The following ERBB4 variants were observed in gnomAD, a reference collection of about 807,000 sequenced individuals.
The protein encoded by ERBB4 is receptor tyrosine-protein kinase erbB-4.
ERBB4 carries 42 observed loss-of-function variants against 158.0 expected under a neutral mutation model. That is an observed-to-expected ratio of 0.27 (90% CI 0.21 to 0.34). ERBB4 has a LOEUF of 0.34. ERBB4 is among the 10% of genes least tolerant of loss of function. ERBB4 has a pLI of 1.00. For synonymous variants in ERBB4, 583 were observed against 558.7 expected (o/e 1.04, Z -0.61); for missense variants, 1,333 against 1,624.1 (o/e 0.82, Z 3.08).
chr2:212,509,634 T>C (rs1220870222), intron 1 of ERBB4, among the ~76,000 whole-genome samples: 1 of 152,020 alleles, frequency 6.6e-6, no homozygotes, highest in African/African-American at 2.4e-5. Flanking sequence ...TAACTATACC[T>C]AGGCTTTGGA....
At chr2:212,484,996 C>T (rs1159596053) in intron 1 of ERBB4, among the ~76,000 whole-genome samples, 1 of 152,152 alleles carries the variant, frequency 6.6e-6, no homozygotes, top group African/African-American at 2.4e-5. Flanking sequence ...GAGATGTGCA[C>T]ATCATCAAAG....
intron 16 of ERBB4, among the ~76,000 whole-genome samples, chr2:211,647,786 A>G (rs2070828922): frequency 6.6e-6 from 1 of 151,722 alleles, no homozygotes; most frequent in African/African-American, 2.4e-5. Context: ...TACATTACCA[A>G]CAAACGATTA....
At chr2:212,477,017 A>C (rs577257130) in intron 1 of ERBB4, among the ~76,000 whole-genome samples, 2 of 152,236 alleles carry the variant, frequency 1.3e-5, no homozygotes, top group South Asian at 4.2e-4. Flanking sequence ...CTCATCTATA[A>C]AATGGTATAG....
chr2:212,163,214 T>C (rs2081253383), intron 1 of ERBB4, among the ~76,000 whole-genome samples: 1 of 152,008 alleles, frequency 6.6e-6, no homozygotes, highest in Admixed American at 6.6e-5. Context: ...TATCTGTGTG[T>C]GTATGTATAT....
At chr2:211,466,820 T>C (rs1415744238) in intron 20 of ERBB4, among the ~76,000 whole-genome samples, 1 of 152,104 alleles carries the variant, frequency 6.6e-6, no homozygotes, top group Non-Finnish European at 1.5e-5. Context: ...AATATAAGTA[T>C]TATGCTGCAG....
chr2:212,292,476 T>C (rs2086242874), intron 1 of ERBB4, among the ~76,000 whole-genome samples: 1 of 151,984 alleles, frequency 6.6e-6, no homozygotes. Context: ...CTAGTACCTT[T>C]AGTGATATAA....
At chr2:211,452,594 T>A (rs2064276906) in intron 20 of ERBB4, among the ~76,000 whole-genome samples, 9 of 152,000 alleles carry the variant, frequency 5.9e-5, no homozygotes, top group Admixed American at 5.9e-4. Context: ...ATTGATACAC[T>A]AAAAAAAATT....
intron 2 of ERBB4, among the ~76,000 whole-genome samples, chr2:212,055,545 C>T (rs986842091): frequency 2.0e-5 from 3 of 152,350 alleles, no homozygotes; most frequent in African/African-American, 7.2e-5. Flanking sequence ...GGCAGACTGA[C>T]ACCTCACACA....
chr2:211,657,556 T>A, intron 16 of ERBB4, 198 bp downstream of exon 16: 1 of 602,086 alleles, frequency 1.7e-6, no homozygotes. Context: ...GGGACTCTTG[T>A]ATCACAATGA....
chr2:212,262,906 T>C, intron 1 of ERBB4, among the ~76,000 whole-genome samples: 1 of 152,192 alleles, frequency 6.6e-6, no homozygotes. Flanking sequence ...TCCTGATACA[T>C]TCATGTTCAT....
rs1033835929 is a variant in ERBB4, at chr2:211,690,043, T to C, written c.1490-10859A>G. Among the ~76,000 whole-genome samples, 16 of 148,490 alleles carry C rather than the reference T, an allele frequency of 1.1e-4. No individual in the cohort carries two copies. In the South Asian group the frequency reaches 2.9e-3, roughly 27 times the overall value. Reference sequence around the variant, plus strand: ...ATATATACACTTTATAGATATGATATATAAATATATATCAATGTAATATAT... The same window carrying C: ...ATATATACACTTTATAGATATGATACATAAATATATATCAATGTAATATAT... On this transcript the variant is annotated intron_variant, in intron 12 of 27. Transcript: ENST00000342788.
At chr2:212,458,446 C>T (rs1196098173) in intron 1 of ERBB4, among the ~76,000 whole-genome samples, 1 of 151,946 alleles carries the variant, frequency 6.6e-6, no homozygotes, top group African/African-American at 2.4e-5. Context: ...TTAAAGAAAA[C>T]TGAGAAACCC....
At position 211,513,439 on chromosome 2, in the gene ERBB4, A is replaced by C. The variant is rs116379956; in HGVS notation, c.2487+48464T>G. On this transcript the variant is annotated intron_variant, in intron 20 of 27. Coordinates refer to ENST00000342788, the MANE Select transcript of ERBB4 (RefSeq NM_005235.3). The stretch of plus-strand genomic sequence containing the variant: ...GGTCAACTATGCCTTTTTTCACGGG[A>C]AGTATTTGTGTTGTGATCCTAGACC... 3.9e-3 allele frequency among the ~76,000 whole-genome samples: 589 copies of C among 149,740 alleles called. 5 individuals are homozygous for C. Among genetic ancestry groups the C allele is most frequent in the African/African-American group, 0.014 (564 of 40,780 alleles).
chr2:211,647,157 A>C (rs1410993466), intron 16 of ERBB4, among the ~76,000 whole-genome samples: 1 of 151,530 alleles, frequency 6.6e-6, no homozygotes, highest in Non-Finnish European at 1.5e-5. Context: ...CTCTAAGACT[A>C]ATCCTTTCAT....
At chr2:212,134,968 G>C (rs1038205282) in intron 1 of ERBB4, among the ~76,000 whole-genome samples, 8 of 152,232 alleles carry the variant, frequency 5.3e-5, no homozygotes, top group Admixed American at 3.3e-4. Context: ...TTATAGGCGT[G>C]AGCCACCGCG....
rs149633330 is a variant in ERBB4, at chr2:211,431,988, G to T, written c.2488-888C>A. ...GTACTTCAGTACTAGGTAAACTAAGGGTTGCTAAACATTATGTTTAACAAA... is the reference window on the plus strand; with the variant it reads ...GTACTTCAGTACTAGGTAAACTAAGTGTTGCTAAACATTATGTTTAACAAA... On this transcript the variant is annotated intron_variant, in intron 20 of 27. Transcript: ENST00000342788. Among the ~76,000 whole-genome samples the T allele has an allele frequency of 2.7e-4, 41 of 151,842 alleles. 3 individuals are homozygous for T. In the Middle Eastern group the frequency reaches 0.01, roughly 38 times the overall value.
chr2:212,102,090 T>TATATATAAATATATATATATATATATA, intron 2 of ERBB4, among the ~76,000 whole-genome samples: 2 of 108,022 alleles, frequency 1.9e-5, no homozygotes, highest in South Asian at 7.1e-4. Flanking sequence ...AAAATTTATT[T>TATATATAAATATATATATATATATATA]TATATATATA....
At chr2:212,327,795 G>A (rs2087927067) in intron 1 of ERBB4, among the ~76,000 whole-genome samples, 1 of 133,204 alleles carries the variant, frequency 7.5e-6, no homozygotes, top group African/African-American at 2.8e-5. Context: ...GCACAATTAA[G>A]TCATAAAAAT....
Position 211,629,956 on chromosome 2 carries a change from T to C in ERBB4, c.2079+506A>G, listed in dbSNP as rs530148069. On this transcript the variant is annotated intron_variant, in intron 17 of 27. Coordinates refer to ENST00000342788, the MANE Select transcript of ERBB4 (RefSeq NM_005235.3). ...AACCATAAAAAACCTAGAAGAAAAC[T>C]TAGGCAATACCATTCAGGACATAGG... 1.8e-3 allele frequency among the ~76,000 whole-genome samples: 268 copies of C among 152,190 alleles called. 1 individual carries two copies. The highest frequency in any genetic ancestry group is 6.1e-3 in the African/African-American group (255 of 41,536).
Sources: gnomAD v4.1 joint callset for allele counts (sites outside exome capture counted in the v4.1 genomes callset) on GRCh38, gnomAD v4.1.1 for gene constraint, MANE v1.5 for transcripts, NCBI Gene and HGNC (gene_info 2026-07-23, HGNC 2026-07-21) for gene names.